STC1: variants seen among roughly 807,000 people sequenced by gnomAD.
STC1 encodes stanniocalcin-1.
In STC1, 7 loss-of-function variants were observed where a neutral mutation model predicts 22.6. The ratio of observed to expected loss-of-function variants is 0.31; its 90% CI spans 0.18 to 0.58. The LOEUF (loss-of-function observed/expected upper bound fraction) is 0.58, where lower values mean the gene tolerates loss of function less well. STC1 is among the 20% of genes least tolerant of loss of function. The pLI is 0.89. For missense variants in STC1, 224 were observed against 311.0 expected (o/e 0.72, Z 2.10); for synonymous variants, 113 against 120.7 (o/e 0.94, Z 0.42).
chr8:23,841,980 G>C lies in STC1; in HGVS notation c.*2790C>G, dbSNP rs561134238. The C allele has an allele frequency of 6.6e-6, 1 of 152,474 alleles. No homozygotes were observed. Among genetic ancestry groups the C allele is most frequent in the African/African-American group, 2.4e-5 (1 of 41,466 alleles). 9.4% of individuals were successfully genotyped at this position (152,474 alleles called of 1,614,324 possible). A position where few individuals can be genotyped will look rare whatever the true frequency, so the allele number is the denominator to read the frequency against. The stretch of plus-strand genomic sequence containing the variant: ...TTATCTTAGAAGGAATTCACCAAAG[G>C]CTTCATATTATGCTATGGCATCTTT... On this transcript the variant is annotated 3_prime_UTR_variant, in exon 4 of 4. Coordinates refer to ENST00000290271, the MANE Select transcript of STC1 (RefSeq NM_003155.3).
At chr8:23,847,490 C>T (rs1056953679) in intron 3 of STC1, among the ~76,000 whole-genome samples, 15 of 152,198 alleles carry the variant, frequency 9.9e-5, no homozygotes, top group African/African-American at 3.4e-4. Context: ...TCAGCAAGGG[C>T]AGGCTGAGAA....
intron 1 of STC1, chr8:23,854,080 T>G: frequency 8.7e-7 from 1 of 1,154,892 alleles, no homozygotes; most frequent in Non-Finnish European, 1.1e-6. Context: ...AGAGAGCGCT[T>G]TGAAGCATGC....
At chr8:23,848,838 A>G (rs1802604119) in intron 3 of STC1, among the ~76,000 whole-genome samples, 1 of 151,984 alleles carries the variant, frequency 6.6e-6, no homozygotes, top group South Asian at 2.1e-4. Context: ...GTTTCCCTTG[A>G]TCAATATTAT....
At chr8:23,848,015 C>T (rs1283053169) in intron 3 of STC1, among the ~76,000 whole-genome samples, 1 of 152,196 alleles carries the variant, frequency 6.6e-6, no homozygotes, top group Non-Finnish European at 1.5e-5. Flanking sequence ...CTTAGTTATT[C>T]ACAAGCTGTG....
At position 23,854,739 on chromosome 8, in the gene STC1, GCTGCCA is replaced by G. The variant is rs1802681355; in HGVS notation, c.-222_-217del. The stretch of plus-strand genomic sequence containing the variant: ...TGCTGCTGCCGCCGCTGCTGCTGCT[GCTGCCA>G]CCGCCGCTGCTGCTGCTGCTGCTGC... On this transcript the variant is annotated 5_prime_UTR_variant, in exon 1 of 4. Coordinates refer to ENST00000290271, the MANE Select transcript of STC1 (RefSeq NM_003155.3). 1.5e-6 allele frequency: 1 copy of G among 654,124 alleles called. No individual in the cohort carries two copies. The highest frequency in any genetic ancestry group is 2.8e-6 in the Non-Finnish European group (1 of 352,530). The allele number at this position is 654,124 out of a possible 1,614,324, so 40.5% of individuals were successfully genotyped here. A position where few individuals can be genotyped will look rare whatever the true frequency, so the allele number is the denominator to read the frequency against.
At chr8:23,852,528 C>T in intron 1 of STC1, 144 bp from the exon 2 acceptor site, 1 of 817,002 alleles carries the variant, frequency 1.2e-6, no homozygotes, top group East Asian at 2.8e-5. Flanking sequence ...TTGATAGACC[C>T]ATTTGATTGA....
At chr8:23,848,834 C>G (rs1200882637) in intron 3 of STC1, among the ~76,000 whole-genome samples, 1 of 152,222 alleles carries the variant, frequency 6.6e-6, no homozygotes, top group Non-Finnish European at 1.5e-5. Context: ...CTTTGTTTCC[C>G]TTGATCAATA....
intron 3 of STC1, among the ~76,000 whole-genome samples, chr8:23,846,244 G>T (rs1266700758): frequency 1.3e-5 from 2 of 152,140 alleles, no homozygotes; most frequent in Admixed American, 6.5e-5. Context: ...GCTCAGAAAG[G>T]ATTAAACTGT....
chr8:23,851,065 A>G (rs951761298), intron 3 of STC1, among the ~76,000 whole-genome samples: 8 of 152,064 alleles, frequency 5.3e-5, no homozygotes, highest in African/African-American at 1.9e-4. Context: ...GCACCCAGGG[A>G]TGCTGCAGAT....
chr8:23,845,109 C>G, intron 3 of STC1, 69 bp from the exon 4 acceptor site: 1 of 1,538,846 alleles, frequency 6.5e-7, no homozygotes, highest in Non-Finnish European at 8.9e-7. Flanking sequence ...GGCTTTCACC[C>G]GGGCTCTAGC....
At chr8:23,854,101 G>A (rs1318143003) in intron 1 of STC1, 1 of 1,201,460 alleles carries the variant, frequency 8.3e-7, no homozygotes, top group East Asian at 4.3e-5. Context: ...CAACATTCAA[G>A]CCTTTCCTCC....
At chr8:23,852,667 G>A (rs890860681) in intron 1 of STC1, among the ~76,000 whole-genome samples, 3 of 152,172 alleles carry the variant, frequency 2.0e-5, no homozygotes, top group African/African-American at 7.2e-5. Flanking sequence ...GTCTGGAGAA[G>A]TGAGGCTCAA....
In STC1 at chr8:23,851,308, C is replaced by G. The variant is rs754197206; in HGVS notation, c.473+12G>C. 6.2e-7 allele frequency: 1 copy of G among 1,614,098 alleles called. No individual in the cohort carries two copies. Among genetic ancestry groups the G allele is most frequent in the Non-Finnish European group, 8.5e-7 (1 of 1,179,986 alleles). On this transcript the variant is annotated intron_variant, in intron 3 of 3. Transcript: ENST00000290271. ...AGTCCCCTGATTGTGAAAAAGTAGA[C>G]TCAGTTTGTACCTGTTGGAGAAGTG... is the stretch of plus-strand genomic sequence containing the variant.
chr8:23,845,049 A>T lies in STC1; in HGVS notation c.474-9T>A. ...CAAGTCTGTTATAGTATCTGCATCAAGAAAGAGAGTGCATATGGTGGTCAC... is the reference window on the plus strand; with the variant it reads ...CAAGTCTGTTATAGTATCTGCATCATGAAAGAGAGTGCATATGGTGGTCAC... On this transcript the variant is annotated splice_polypyrimidine_tract_variant and intron_variant, in intron 3 of 3. Coordinates refer to ENST00000290271, the MANE Select transcript of STC1 (RefSeq NM_003155.3). The T allele has an allele frequency of 6.2e-7, 1 of 1,613,428 alleles. No individual in the cohort carries two copies. The highest frequency in any genetic ancestry group is 8.5e-7 in the Non-Finnish European group (1 of 1,179,608).
chr8:23,846,293 TG>T (rs1802572379), intron 3 of STC1, among the ~76,000 whole-genome samples: 1 of 152,202 alleles, frequency 6.6e-6, no homozygotes, highest in African/African-American at 2.4e-5. Flanking sequence ...TCCTGTTATT[TG>T]GGAAGACAGT....
rs1024516505 is a variant in STC1 at position 23,842,001 on chromosome 8, T to C, written c.*2769A>G. The C allele has an allele frequency of 2.0e-5, 3 of 152,606 alleles. No individual in the cohort carries two copies. Among genetic ancestry groups the C allele is most frequent in the Admixed American group, 6.5e-5 (1 of 15,274 alleles). The allele number at this position is 152,606 out of a possible 1,614,324, so 9.5% of individuals were successfully genotyped here. ...AAAGGCTTCATATTATGCTATGGCA[T>C]CTTTAATTATAAAAATAAGCAAATA... On this transcript the variant is annotated 3_prime_UTR_variant, in exon 4 of 4. Coordinates refer to ENST00000290271, the MANE Select transcript of STC1 (RefSeq NM_003155.3).
At chr8:23,848,485 T>A (rs1802597966) in intron 3 of STC1, among the ~76,000 whole-genome samples, 1 of 132,192 alleles carries the variant, frequency 7.6e-6, no homozygotes, top group Non-Finnish European at 1.5e-5. Flanking sequence ...TGAACTGAGA[T>A]CTCACCACTG....
chr8:23,848,796 C>A (rs1479367111), intron 3 of STC1, among the ~76,000 whole-genome samples: 1 of 151,874 alleles, frequency 6.6e-6, no homozygotes, highest in Non-Finnish European at 1.5e-5. Context: ...TGCCTAGGAA[C>A]GTTCTGTGTG....
chr8:23,854,205 C>CT, intron 1 of STC1: 1 of 1,130,196 alleles, frequency 8.8e-7, no homozygotes, highest in South Asian at 1.7e-5. Flanking sequence ...GAGCGTCCAG[C>CT]TTCTTCGTTT....
Sources: gnomAD v4.1 joint callset for allele counts (sites outside exome capture counted in the v4.1 genomes callset) on GRCh38, gnomAD v4.1.1 for gene constraint, MANE v1.5 for transcripts, NCBI Gene and HGNC (gene_info 2026-07-23, HGNC 2026-07-21) for gene names.